FBN2: variants seen among roughly 807,000 people sequenced by gnomAD.
The protein encoded by FBN2 is fibrillin-2.
FBN2 carries 105 observed loss-of-function variants against 355.6 expected under a neutral mutation model. That is an observed-to-expected ratio of 0.30 (90% CI 0.25 to 0.35). The LOEUF (loss-of-function observed/expected upper bound fraction) is 0.35. Ranked by LOEUF, FBN2 falls within the 10% of genes least tolerant of loss-of-function variation. FBN2 has a pLI of 1.00. For synonymous variants in FBN2, 1,350 were observed against 1,301.2 expected (o/e 1.04, Z -0.81); for missense variants, 3,280 against 3,758.7 (o/e 0.87, Z 3.33).
At chr5:128,376,448 G>A (rs1752079779) in intron 14 of FBN2, among the ~76,000 whole-genome samples, 1 of 152,130 alleles carries the variant, frequency 6.6e-6, no homozygotes, top group Non-Finnish European at 1.5e-5. Context: ...AAGCAGTTGA[G>A]AGAAATTATT....
chr5:128,360,017 A>C (rs2126934930), intron 19 of FBN2, among the ~76,000 whole-genome samples: 1 of 152,240 alleles, frequency 6.6e-6, no homozygotes, highest in South Asian at 2.1e-4. Flanking sequence ...CAGTTCTAAA[A>C]ATCATCAGTT....
At chr5:128,295,359 C>A (rs1749473580) in intron 48 of FBN2, among the ~76,000 whole-genome samples, 1 of 151,258 alleles carries the variant, frequency 6.6e-6, no homozygotes, top group African/African-American at 2.4e-5. Flanking sequence ...GTAGTTTTTT[C>A]CAATTCTGTG....
At chr5:128,346,361 T>C (rs539096970) in intron 23 of FBN2, among the ~76,000 whole-genome samples, 54 of 152,360 alleles carry the variant, frequency 3.5e-4, no homozygotes, top group African/African-American at 1.1e-3. Context: ...ATTACAAATA[T>C]GGATAATGAG....
intron 48 of FBN2, among the ~76,000 whole-genome samples, chr5:128,295,474 A>C (rs1271808220): frequency 6.7e-6 from 1 of 150,162 alleles, no homozygotes; most frequent in East Asian, 1.9e-4. Flanking sequence ...ATGAGCATGG[A>C]ATGTTCTTCC....
At chr5:128,385,406 T>A (rs1215230378) in intron 11 of FBN2, among the ~76,000 whole-genome samples, 1 of 152,210 alleles carries the variant, frequency 6.6e-6, no homozygotes, top group East Asian at 1.9e-4. Context: ...TTCTTATGGC[T>A]ACATAGTATT....
At chr5:128,393,079 T>C (rs1752560322) in intron 10 of FBN2, 56 bp downstream of exon 10, 1 of 1,321,418 alleles carries the variant, frequency 7.6e-7, no homozygotes, top group Non-Finnish European at 1.1e-6. Context: ...TGTTAGATAT[T>C]ATAATGTCAC....
intron 49 of FBN2, 50 bp from the exon 50 acceptor site, chr5:128,290,934 T>C: frequency 1.3e-6 from 2 of 1,546,540 alleles, no homozygotes; most frequent in Non-Finnish European, 1.8e-6. Context: ...TAACACTGTT[T>C]GGACAGAACA....
At chr5:128,425,028 TTC>T in intron 7 of FBN2, among the ~76,000 whole-genome samples, 1 of 151,828 alleles carries the variant, frequency 6.6e-6, no homozygotes, top group African/African-American at 2.4e-5. Context: ...TTTTTTTTTT[TTC>T]TCTCTCTGTC....
chr5:128,488,625 A>T (rs62391642), intron 5 of FBN2, among the ~76,000 whole-genome samples: 24,969 of 151,524 alleles, frequency 0.16, 2,352 homozygotes, highest in Non-Finnish European at 0.23. Flanking sequence ...AGCATTAGGT[A>T]TATCTCCTAA....
chr5:128,311,173 A>T (rs1581207494), intron 39 of FBN2, 127 bp downstream of exon 39: 1 of 966,160 alleles, frequency 1.0e-6, no homozygotes, highest in Admixed American at 2.1e-5. Flanking sequence ...ATATGAAAAA[A>T]AAAAAAGCTA....
intron 10 of FBN2, 53 bp downstream of exon 10, chr5:128,393,082 A>G: frequency 1.5e-6 from 2 of 1,329,182 alleles, no homozygotes; most frequent in Admixed American, 1.7e-5. Context: ...TAGATATTAT[A>G]ATGTCACTTG....
Position 128,464,906 on chromosome 5 carries a change from G to A in FBN2, c.644C>T (p.Pro215Leu), listed in dbSNP as rs2127084495. 3 of 1,614,174 alleles carry A rather than the reference G, an allele frequency of 1.9e-6. No individual in the cohort carries two copies. The highest frequency in any genetic ancestry group is 1.7e-5 in the Admixed American group (1 of 60,024). Residue 215 changes from proline (P) to leucine (L), a missense_variant, in exon 6 of 65, where the codon CCG becomes CTG. Physicochemically the swap from Pro to Leu is moderately conservative, Grantham distance 98. Coordinates refer to ENST00000262464, the MANE Select transcript of FBN2 (RefSeq NM_001999.4). Reference sequence around the variant, plus strand: ...CTGGTTGTTGACCTGAGTGAAACACGGGCCTGTCCTGTAATCTGGAATGTG... The same window carrying A: ...CTGGTTGTTGACCTGAGTGAAACACAGGCCTGTCCTGTAATCTGGAATGTG... ...PQCERDYRTG[P>L]CFTQVNNQMC...
intron 62 of FBN2, among the ~76,000 whole-genome samples, chr5:128,267,652 A>G (rs1357360799): frequency 7.2e-6 from 1 of 139,790 alleles, no homozygotes; most frequent in East Asian, 1.9e-4. Context: ...TCCTTTTCCC[A>G]CTTTTTGATA....
intron 30 of FBN2, 138 bp from the exon 31 acceptor site, chr5:128,334,982 G>T: frequency 8.7e-7 from 1 of 1,152,586 alleles, no homozygotes; most frequent in Non-Finnish European, 1.3e-6. Flanking sequence ...TCGTGTTATA[G>T]ATAAATATAC....
At chr5:128,318,295 C>G in intron 35 of FBN2, 24 bp from the exon 36 acceptor site, 1 of 1,613,748 alleles carries the variant, frequency 6.2e-7, no homozygotes, top group East Asian at 2.2e-5. Context: ...TTAAAATGCC[C>G]AGGTTACCAT....
rs571448710 is a variant in FBN2, at chr5:128,327,804, A to G, written c.4471+892T>C. Among the ~76,000 whole-genome samples the G allele has an allele frequency of 8.9e-4, 136 of 152,108 alleles. 2 individuals carry two copies. The highest frequency in any genetic ancestry group is 6.8e-3 in the Middle Eastern group (2 of 294). On this transcript the variant is annotated intron_variant, in intron 34 of 64. Transcript: ENST00000262464. ...CAGGCATGAGCCACCATACCCAGCTAATTTTGTATTTTTAGTAGAGATGGA... is the reference window on the plus strand; with the variant it reads ...CAGGCATGAGCCACCATACCCAGCTGATTTTGTATTTTTAGTAGAGATGGA...
At chr5:128,320,678 A>C (rs1299929705) in intron 34 of FBN2, among the ~76,000 whole-genome samples, 1 of 152,236 alleles carries the variant, frequency 6.6e-6, no homozygotes, top group East Asian at 1.9e-4. Flanking sequence ...ACAATTACTC[A>C]AAAATGTTTC....
chr5:128,536,438 A>G lies in FBN2; in HGVS notation c.301T>C (p.Trp101Arg). Reference protein sequence around the residue: ...SRFHSYCCPGWKTLPGGNQCI... With the variant: ...SRFHSYCCPGRKTLPGGNQCI... ...TGGTTTCCTCCAGGGAGCGTCTTCCATCCAGGGCAGCAGTAGGAGTGGAAT... is the reference window on the plus strand; with the variant it reads ...TGGTTTCCTCCAGGGAGCGTCTTCCGTCCAGGGCAGCAGTAGGAGTGGAAT... The change falls in exon 2 of 65, where the codon TGG becomes CGG. Residue 101 changes from tryptophan (W) to arginine (R), a missense_variant. Around this residue, in one of 6 missense-constraint regions of FBN2, gnomAD observed 203 missense variants for 142.2 expected, o/e 1.43. Coordinates refer to ENST00000262464, the MANE Select transcript of FBN2 (RefSeq NM_001999.4). 1 of 1,614,124 alleles carries G rather than the reference A, an allele frequency of 6.2e-7. No individual in the cohort carries two copies. The highest frequency in any genetic ancestry group is 8.5e-7 in the Non-Finnish European group (1 of 1,180,012).
At chr5:128,295,535 T>G (rs908872558) in intron 48 of FBN2, among the ~76,000 whole-genome samples, 185 of 145,842 alleles carry the variant, frequency 1.3e-3, no homozygotes, top group Non-Finnish European at 2.2e-3. Flanking sequence ...GTAGTTCTCC[T>G]TGAAGAGGTC....
Sources: allele counts gnomAD v4.1 joint callset (sites outside exome capture counted in the v4.1 genomes callset), GRCh38; gene constraint gnomAD v4.1.1; regional missense constraint gnomAD v4.1.1; transcripts MANE v1.5; gene names NCBI Gene and HGNC (gene_info 2026-07-23, HGNC 2026-07-21).